The following TPM2 variants were observed in gnomAD, a reference collection of about 807,000 sequenced individuals.
TPM2 encodes the protein tropomyosin beta chain.
A neutral mutation model predicts 41.0 loss-of-function variants in TPM2; 26 were observed. The ratio of observed to expected loss-of-function variants is 0.63; its 90% CI spans 0.46 to 0.88. The LOEUF (loss-of-function observed/expected upper bound fraction) is 0.88. Ranked by LOEUF, TPM2 falls within the 40% of genes least tolerant of loss-of-function variation. The probability of loss-of-function intolerance (pLI) is 0.00; values close to 1 mark genes in which losing one functional copy is unlikely to be tolerated. For synonymous variants in TPM2, 143 were observed against 139.3 expected (o/e 1.03, Z -0.19); for missense variants, 187 against 355.2 (o/e 0.53, Z 3.81).
In TPM2 at chr9:35,683,242, C is replaced by CTGG; in HGVS notation, c.773-4_773-2dup. 1 of 1,458,004 alleles carries CTGG rather than the reference C, an allele frequency of 6.9e-7. No homozygotes were observed. Among genetic ancestry groups the CTGG allele is most frequent in the Non-Finnish European group, 9.3e-7 (1 of 1,075,530 alleles). 90.3% of individuals were successfully genotyped at this position (1,458,004 alleles called of 1,614,324 possible). On this transcript the variant is annotated splice_acceptor_variant, in intron 8 of 8. Coordinates refer to ENST00000645482, the MANE Select transcript of TPM2 (RefSeq NM_003289.4). LOFTEE classifies it high-confidence loss of function. Reference sequence around the variant, plus strand: ...TTCATCTTCTGGGCATAGACTTCATCTGGGGGGGGTCCAGGGAGGGGACCA... The same window carrying CTGG: ...TTCATCTTCTGGGCATAGACTTCATCTGGTGGGGGGGGTCCAGGGAGGGGACCA...
intron 2 of TPM2, chr9:35,686,225 G>A (rs1273809497): frequency 8.1e-6 from 2 of 245,628 alleles, no homozygotes; most frequent in Non-Finnish European, 1.6e-5. Context: ...ACTCCAGCCT[G>A]GGTAAAAAGA....
rs1824805323 is a variant in TPM2, at chr9:35,685,005, G to A, written c.564-198C>T. 2.5e-6 allele frequency: 4 copies of A among 1,614,178 alleles called. No homozygotes were observed. The highest frequency in any genetic ancestry group is 3.4e-6 in the Non-Finnish European group (4 of 1,180,012). On this transcript the variant is annotated intron_variant, in intron 5 of 8. Transcript: ENST00000645482. This position sits in a 1 kb window ranked among gnomAD's most constrained non-coding sequence, Gnocchi z 5.0. ...AAGAGCAGCCTGCGGTGCTGAGACG[G>A]AGGGAAGGTGAGCTGAGAGAAGGCG... is the stretch of plus-strand genomic sequence containing the variant.
Position 35,685,662 on chromosome 9 carries a change from G to A in TPM2, c.359C>T (p.Ala120Val), listed in dbSNP as rs1346842765. 6.2e-7 allele frequency: 1 copy of A among 1,614,066 alleles called. No homozygotes were observed. Among genetic ancestry groups the A allele is most frequent in the Non-Finnish European group, 8.5e-7 (1 of 1,180,014 alleles). Residue 120 changes from alanine (A) to valine (V), a missense_variant, in exon 3 of 9, where the codon GCT (alanine) becomes GTT (valine). Coordinates refer to ENST00000645482, the MANE Select transcript of TPM2 (RefSeq NM_003289.4). This position sits in a 1 kb window ranked among gnomAD's most constrained non-coding sequence, Gnocchi z 5.0. ...CCCTGACCACCTCTCGCTCTCATCA[G>A]CCGCCTTCTCGGCCTCCTCCAGCTT... ...LQKLEEAEKA[A>V]DESERGMKVI...
chr9:35,689,668 G>C (rs776929476), intron 1 of TPM2, 36 bp downstream of exon 1: 1 of 1,609,212 alleles, frequency 6.2e-7, no homozygotes, highest in African/African-American at 1.3e-5. Context: ...TGCCCTAGGC[G>C]CGGGGAGAGC....
At chr9:35,686,688 G>C (rs1024269912) in intron 2 of TPM2, among the ~76,000 whole-genome samples, 4 of 148,794 alleles carry the variant, frequency 2.7e-5, no homozygotes, top group African/African-American at 5.0e-5. Flanking sequence ...TCTGTCATCA[G>C]CTGTAAGGCA....
downstream of TPM2, chr9:35,682,849 A>G (rs906593315): frequency 1.6e-5 from 23 of 1,423,390 alleles, no homozygotes; most frequent in Non-Finnish European, 2.2e-5. Flanking sequence ...GGGTGTCAGT[A>G]AGTGCCAGGG....
intron 1 of TPM2, 66 bp downstream of exon 1, chr9:35,689,638 C>A: frequency 3.7e-6 from 6 of 1,602,188 alleles, no homozygotes; most frequent in Non-Finnish European, 5.1e-6. Flanking sequence ...GCTGGGGGAC[C>A]CATGGCAGCG....
Position 35,689,695 on chromosome 9 carries a change from G to C in TPM2, c.114+9C>G. ...GGGGAGAGCAGGCTGCACTGGGCCCGGCCCTAACCTGCTTGCAGCGGTCCT... is the reference window on the plus strand; with the variant it reads ...GGGGAGAGCAGGCTGCACTGGGCCCCGCCCTAACCTGCTTGCAGCGGTCCT... On this transcript the variant is annotated intron_variant, in intron 1 of 8. Transcript: ENST00000645482. 1 of 1,612,796 alleles carries C rather than the reference G, an allele frequency of 6.2e-7. No homozygotes were observed. The highest frequency in any genetic ancestry group is 8.5e-7 in the Non-Finnish European group (1 of 1,179,722).
rs773380766 is a variant in TPM2 at position 35,685,632 on chromosome 9, G to A, written c.374+15C>T. The A allele has an allele frequency of 2.9e-5, 46 of 1,613,902 alleles. No individual in the cohort carries two copies. The Admixed American group carries it at 6.0e-4, about 21-fold the overall frequency. On this transcript the variant is annotated intron_variant, in intron 3 of 8. Transcript: ENST00000645482. This position sits in a 1 kb window ranked among gnomAD's most constrained non-coding sequence, Gnocchi z 5.0. Reference sequence around the variant, plus strand: ...TTCTCCCTCCCGGACCATCCTCCCCGAGGCCCCTGACCACCTCTCGCTCTC... The same window carrying A: ...TTCTCCCTCCCGGACCATCCTCCCCAAGGCCCCTGACCACCTCTCGCTCTC...
At position 35,683,126 on chromosome 9, in the gene TPM2, AAG is replaced by A; in HGVS notation, c.*31_*32del. 1 of 1,551,918 alleles carries A rather than the reference AAG, an allele frequency of 6.4e-7. No individual in the cohort carries two copies. The highest frequency in any genetic ancestry group is 8.7e-7 in the Non-Finnish European group (1 of 1,147,054). ...AGAGAGAATGGAAAGGAGAGGAGAG[AAG>A]AGAGCTGAGGTGGCCACGCTGGCGT... On this transcript the variant is annotated 3_prime_UTR_variant, in exon 9 of 9. Coordinates refer to ENST00000645482, the MANE Select transcript of TPM2 (RefSeq NM_003289.4).
downstream of TPM2, chr9:35,682,080 C>T (rs777732414): frequency 5.0e-6 from 8 of 1,613,968 alleles, no homozygotes; most frequent in Admixed American, 1.2e-4. Flanking sequence ...GGGGCTGGCC[C>T]TCACAGGTTG....
rs758629880 is a variant in TPM2, at chr9:35,685,399, T to G, written c.492+35A>C. 6.2e-7 allele frequency: 1 copy of G among 1,614,106 alleles called. No homozygotes were observed. The highest frequency in any genetic ancestry group is 1.7e-5 in the Admixed American group (1 of 60,020). ...GAGAAGGACTGGGCATGTTGCAGGC[T>G]GGGCAGCGAGCAGGCAGAGGGGCAA... is the stretch of plus-strand genomic sequence containing the variant. On this transcript the variant is annotated intron_variant, in intron 4 of 8. Coordinates refer to ENST00000645482, the MANE Select transcript of TPM2 (RefSeq NM_003289.4). This position sits in a 1 kb window ranked among gnomAD's most constrained non-coding sequence, Gnocchi z 5.0.
At chr9:35,683,353 A>C in intron 8 of TPM2, 112 bp from the exon 9 acceptor site, 1 of 1,097,090 alleles carries the variant, frequency 9.1e-7, no homozygotes, top group Non-Finnish European at 1.3e-6. Flanking sequence ...AGAGGTACAC[A>C]AAGACAGAGT....
chr9:35,682,990 A>G lies in TPM2; in HGVS notation c.*169T>C. On this transcript the variant is annotated 3_prime_UTR_variant, in exon 9 of 9. Coordinates refer to ENST00000645482, the MANE Select transcript of TPM2 (RefSeq NM_003289.4). ...GTGGAAGGGGATAGGTAAAGGATGA[A>G]GCCAGTGCCAGAGTGGGTGGTGGGC... is the stretch of plus-strand genomic sequence containing the variant. 6.5e-7 allele frequency: 1 copy of G among 1,534,558 alleles called. No individual in the cohort carries two copies.
In TPM2 at chr9:35,684,159, T is replaced by C. The variant is rs1173514923; in HGVS notation, c.772+87A>G. ...TCCTAGGTGGCCCAACCCTAGTTTA[T>C]TGGTGGCAAATAAAATGGGATGAGA... On this transcript the variant is annotated intron_variant, in intron 8 of 8. Coordinates refer to ENST00000645482, the MANE Select transcript of TPM2 (RefSeq NM_003289.4). The C allele has an allele frequency of 6.4e-6, 9 of 1,406,196 alleles. No individual in the cohort carries two copies. The East Asian group carries it at 1.4e-4, about 21-fold the overall frequency. 87.1% of individuals were successfully genotyped at this position (1,406,196 alleles called of 1,614,324 possible). A position where few individuals can be genotyped will look rare whatever the true frequency, so the allele number is the denominator to read the frequency against.
chr9:35,689,972 G>A (rs910062134), upstream of TPM2: 1 of 1,515,672 alleles, frequency 6.6e-7, no homozygotes, highest in South Asian at 1.2e-5. Flanking sequence ...GAGGGACCGG[G>A]CGGGGCCGGC....
In TPM2 at chr9:35,684,725, C is replaced by T; in HGVS notation, c.639+7G>A. 6.2e-7 allele frequency: 1 copy of T among 1,614,158 alleles called. No individual in the cohort carries two copies. The highest frequency in any genetic ancestry group is 8.5e-7 in the Non-Finnish European group (1 of 1,180,036). The stretch of plus-strand genomic sequence containing the variant: ...CCCATCCTCACTGCCCCTCTGCTCC[C>T]CTCTACCTTGTCCGCCTGGGCCTCC... On this transcript the variant is annotated splice_region_variant and intron_variant, in intron 6 of 8. Coordinates refer to ENST00000645482, the MANE Select transcript of TPM2 (RefSeq NM_003289.4).
In TPM2 at chr9:35,685,258, G is replaced by C; in HGVS notation, c.563+11C>G. On this transcript the variant is annotated intron_variant, in intron 5 of 8. Coordinates refer to ENST00000645482, the MANE Select transcript of TPM2 (RefSeq NM_003289.4). The surrounding 1 kb of genome is among the most constrained non-coding windows in gnomAD (Gnocchi z 5.0). ...CCAATGGGCTCACTTGTCACCCCCG[G>C]GTATCTTTACCTCTCGGCCACCTCA... 1 of 1,614,198 alleles carries C rather than the reference G, an allele frequency of 6.2e-7. No individual in the cohort carries two copies. The highest frequency in any genetic ancestry group is 8.5e-7 in the Non-Finnish European group (1 of 1,180,020).
rs1587955710 is a variant in TPM2 at position 35,684,554 on chromosome 9, T to C, written c.640-4A>G. On this transcript the variant is annotated splice_region_variant and splice_polypyrimidine_tract_variant and intron_variant, in intron 6 of 8. Coordinates refer to ENST00000645482, the MANE Select transcript of TPM2 (RefSeq NM_003289.4). ...ATTTATCTTCTTTGGTGGAATACTT[T>C]TGGGGACACACACACGCCATCAGTA... 1 of 1,614,146 alleles carries C rather than the reference T, an allele frequency of 6.2e-7. No homozygotes were observed. Among genetic ancestry groups the C allele is most frequent in the Non-Finnish European group, 8.5e-7 (1 of 1,180,016 alleles).
Sources: gnomAD v4.1 joint callset for allele counts (sites outside exome capture counted in the v4.1 genomes callset) on GRCh38, gnomAD v4.1.1 for gene constraint, Gnocchi (gnomAD v3.1) non-coding constraint, MANE v1.5 for transcripts, NCBI Gene and HGNC (gene_info 2026-07-23, HGNC 2026-07-21) for gene names.